CHN2: variants seen among roughly 807,000 people sequenced by gnomAD.
The protein encoded by CHN2 is beta-chimaerin.
Under a neutral mutation model 56.3 loss-of-function variants are expected in CHN2, and 35 were observed. That is an observed-to-expected ratio of 0.62 (90% CI 0.47 to 0.82). The LOEUF (loss-of-function observed/expected upper bound fraction) is 0.82, where lower values mean the gene tolerates loss of function less well. Ranked by LOEUF, CHN2 falls within the 40% of genes least tolerant of loss-of-function variation. CHN2 has a pLI of 0.00. For missense variants in CHN2, 491 were observed against 580.5 expected (o/e 0.85, Z 1.58); for synonymous variants, 210 against 212.8 (o/e 0.99, Z 0.12).
At chr7:29,288,051 A>G (rs1792298073) in intron 1 of CHN2, among the ~76,000 whole-genome samples, 1 of 152,254 alleles carries the variant, frequency 6.6e-6, no homozygotes, top group Admixed American at 6.5e-5. Flanking sequence ...TAAAATGACA[A>G]TATGAAAAAA....
intron 1 of CHN2, among the ~76,000 whole-genome samples, chr7:29,244,577 C>T (rs990092372): frequency 2.0e-5 from 3 of 152,144 alleles, no homozygotes; most frequent in Admixed American, 6.5e-5. Context: ...GAGCCCCGAT[C>T]GATTAGAAAT....
intron 6 of CHN2, among the ~76,000 whole-genome samples, chr7:29,414,841 C>T (rs1803570327): frequency 6.6e-6 from 1 of 152,118 alleles, no homozygotes; most frequent in Non-Finnish European, 1.5e-5. Context: ...TCCCCATTGC[C>T]TTCCCCAGGC....
At chr7:29,432,036 T>C (rs1224230641) in intron 6 of CHN2, among the ~76,000 whole-genome samples, 3 of 152,166 alleles carry the variant, frequency 2.0e-5, no homozygotes, top group African/African-American at 7.2e-5. Flanking sequence ...TTCTGCAGGA[T>C]TTAGGGGTTT....
intron 1 of CHN2, among the ~76,000 whole-genome samples, chr7:29,252,276 C>A (rs1282346977): frequency 6.7e-6 from 1 of 150,174 alleles, no homozygotes; most frequent in Non-Finnish European, 1.5e-5. Flanking sequence ...GCAACCTCCA[C>A]CTTCCAGGTT....
intron 3 of CHN2, among the ~76,000 whole-genome samples, chr7:29,380,047 A>G (rs1800369453): frequency 6.6e-6 from 1 of 152,330 alleles, no homozygotes; most frequent in African/African-American, 2.4e-5. Context: ...TGGCCCTGAT[A>G]TCAGGAATTG....
At chr7:29,417,326 T>G (rs1268177507) in intron 6 of CHN2, among the ~76,000 whole-genome samples, 1 of 141,532 alleles carries the variant, frequency 7.1e-6, no homozygotes. Flanking sequence ...ATTTTTTTAC[T>G]GTAACCCTTT....
intron 1 of CHN2, among the ~76,000 whole-genome samples, chr7:29,286,396 A>C (rs1439400608): frequency 6.9e-6 from 1 of 144,708 alleles, no homozygotes; most frequent in East Asian, 2.2e-4. Flanking sequence ...AGTCAGGACA[A>C]GTTGCATAGG....
intron 1 of CHN2, among the ~76,000 whole-genome samples, chr7:29,344,419 C>A (rs1384698047): frequency 1.3e-5 from 2 of 152,148 alleles, no homozygotes; most frequent in African/African-American, 4.8e-5. Context: ...CCCCTACTTA[C>A]TTCTTTAATA....
intron 10 of CHN2, among the ~76,000 whole-genome samples, chr7:29,505,684 A>T (rs552034161): frequency 1.1e-4 from 17 of 152,312 alleles, no homozygotes; most frequent in Non-Finnish European, 2.5e-4. Flanking sequence ...TGACTACCCC[A>T]AGCTAACCTC....
intron 2 of CHN2, among the ~76,000 whole-genome samples, chr7:29,162,148 A>C (rs1199655053): frequency 3.3e-5 from 5 of 152,198 alleles, no homozygotes; most frequent in Non-Finnish European, 7.3e-5. Flanking sequence ...TTACTATACA[A>C]CTGAACAACA....
intron 1 of CHN2, among the ~76,000 whole-genome samples, chr7:29,302,916 A>G (rs1746320641): frequency 6.6e-6 from 1 of 152,228 alleles, no homozygotes; most frequent in Non-Finnish European, 1.5e-5. Context: ...TTGTAGCACA[A>G]GTCAGAATTT....
Position 29,465,716 on chromosome 7 carries a change from C to T in CHN2, c.577-14563C>T, listed in dbSNP as rs565756916. ...CAGGTTTGATAAGCACACTGCATTT[C>T]CAACTCAAATTGCACATGGCCAATT... On this transcript the variant is annotated intron_variant, in intron 6 of 12. Coordinates refer to ENST00000222792, the MANE Select transcript of CHN2 (RefSeq NM_004067.4). 5.9e-5 allele frequency among the ~76,000 whole-genome samples: 9 copies of T among 152,236 alleles called. No homozygotes were observed. In the South Asian group the frequency reaches 1.7e-3, roughly 28 times the overall value.
At chr7:29,348,497 C>T (rs926281324) in intron 1 of CHN2, among the ~76,000 whole-genome samples, 2 of 152,114 alleles carry the variant, frequency 1.3e-5, no homozygotes, top group Non-Finnish European at 2.9e-5. Context: ...CCCCTCCTTC[C>T]CCATCCTTTC....
At chr7:29,375,507 C>T (rs906077150) in intron 3 of CHN2, among the ~76,000 whole-genome samples, 2 of 152,118 alleles carry the variant, frequency 1.3e-5, no homozygotes, top group African/African-American at 4.8e-5. Context: ...ATTTTTATTT[C>T]TTAACATCTC....
intron 2 of CHN2, among the ~76,000 whole-genome samples, chr7:29,161,030 TTTC>T (rs1373809821): frequency 2.6e-5 from 4 of 152,156 alleles, no homozygotes; most frequent in Non-Finnish European, 5.9e-5. Context: ...TCACCCTTCT[TTTC>T]AACTCTATAA....
chr7:29,223,876 G>T (rs1217510045), intron 1 of CHN2, among the ~76,000 whole-genome samples: 1 of 152,090 alleles, frequency 6.6e-6, no homozygotes, highest in Non-Finnish European at 1.5e-5. Context: ...CCTTCCACCA[G>T]CAGTGAACAA....
intron 2 of CHN2, among the ~76,000 whole-genome samples, chr7:29,163,557 A>T (rs995408629): frequency 6.6e-6 from 1 of 152,084 alleles, no homozygotes; most frequent in African/African-American, 2.4e-5. Flanking sequence ...TTTTTTTTAC[A>T]ATCTTATTAA....
intron 6 of CHN2, among the ~76,000 whole-genome samples, chr7:29,450,426 A>G (rs1490382999): frequency 6.6e-6 from 1 of 152,174 alleles, no homozygotes; most frequent in Non-Finnish European, 1.5e-5. Context: ...GTCTCTTTTT[A>G]AGGGAGAGGC....
chr7:29,345,204 T>C (rs1014352758), intron 1 of CHN2, among the ~76,000 whole-genome samples: 9 of 152,178 alleles, frequency 5.9e-5, no homozygotes, highest in African/African-American at 2.2e-4. Flanking sequence ...GACAGCTTTT[T>C]CTAATTCACA....
Sources: allele counts gnomAD v4.1 joint callset (sites outside exome capture counted in the v4.1 genomes callset), GRCh38; gene constraint gnomAD v4.1.1; transcripts MANE v1.5; gene names NCBI Gene and HGNC (gene_info 2026-07-23, HGNC 2026-07-21).